The following FREM2 variants were observed in gnomAD, a reference collection of about 807,000 sequenced individuals.
FREM2 encodes the protein FRAS1 related extracellular matrix 2, also known as FRAS1-related extracellular matrix protein 2.
A neutral mutation model predicts 219.9 loss-of-function variants in FREM2; 119 were observed. The observed-to-expected ratio is 0.54, with a 90% CI of 0.47 to 0.63. The LOEUF is 0.63. Ranked by LOEUF, FREM2 falls within the 30% of genes least tolerant of loss-of-function variation. FREM2 has a pLI of 0.00. For synonymous variants in FREM2, 1,562 were observed against 1,522.8 expected (o/e 1.03, Z -0.60); for missense variants, 4,030 against 3,993.6 (o/e 1.01, Z -0.25).
At chr13:38,756,780 ATC>A (rs1873026030) in intron 2 of FREM2, among the ~76,000 whole-genome samples, 1 of 151,794 alleles carries the variant, frequency 6.6e-6, no homozygotes, top group South Asian at 2.1e-4. Flanking sequence ...ACCTCAGGTG[ATC>A]TGCCCGCCTC....
intron 6 of FREM2, among the ~76,000 whole-genome samples, chr13:38,816,864 C>G (rs747440201): frequency 2.0e-5 from 3 of 152,076 alleles, no homozygotes; most frequent in Non-Finnish European, 4.4e-5. Context: ...TAAACAAACT[C>G]AGTAAAGTCG....
chr13:38,763,752 A>AT (rs1566133378), intron 2 of FREM2, among the ~76,000 whole-genome samples: 2 of 152,176 alleles, frequency 1.3e-5, no homozygotes, highest in Non-Finnish European at 2.9e-5. Flanking sequence ...ATGGAAATCA[A>AT]TGAAAAGAAC....
chr13:38,825,993 T>G (rs1000663446), intron 6 of FREM2, among the ~76,000 whole-genome samples: 2 of 152,152 alleles, frequency 1.3e-5, no homozygotes, highest in Non-Finnish European at 2.9e-5. Context: ...CATATAAAAA[T>G]CATAATGCGT....
chr13:38,757,388 C>T (rs1157255667), intron 2 of FREM2, among the ~76,000 whole-genome samples: 1 of 152,024 alleles, frequency 6.6e-6, no homozygotes, highest in Non-Finnish European at 1.5e-5. Context: ...TGAAATAATC[C>T]ACACTTGATC....
intron 2 of FREM2, among the ~76,000 whole-genome samples, chr13:38,749,523 C>T (rs948907277): frequency 2.6e-5 from 4 of 152,268 alleles, no homozygotes; most frequent in East Asian, 3.9e-4. Context: ...GTACAGACCA[C>T]GGTTTCTCAA....
At chr13:38,779,418 A>G (rs1874023192) in intron 4 of FREM2, 1 of 151,874 alleles carries the variant, frequency 6.6e-6, no homozygotes, top group South Asian at 2.1e-4. Flanking sequence ...ATATTAAAAA[A>G]AAAAAGTACT....
chr13:38,822,417 C>T (rs1332597345), intron 6 of FREM2, among the ~76,000 whole-genome samples: 1 of 149,446 alleles, frequency 6.7e-6, no homozygotes, highest in African/African-American at 2.5e-5. Context: ...AGCACACTCC[C>T]TGCCAGAGAA....
intron 2 of FREM2, among the ~76,000 whole-genome samples, chr13:38,757,696 G>A (rs944283897): frequency 6.6e-6 from 1 of 151,920 alleles, no homozygotes; most frequent in Non-Finnish European, 1.5e-5. Context: ...CCAGGTTCAA[G>A]CAATTCTCCT....
At chr13:38,856,074 ACTT>A in intron 11 of FREM2, 49 bp from the exon 12 acceptor site, 1 of 1,309,088 alleles carries the variant, frequency 7.6e-7, no homozygotes, top group Non-Finnish European at 1.1e-6. Flanking sequence ...AAAATAGAAA[ACTT>A]CTCATATTCA....
intron 18 of FREM2, 52 bp downstream of exon 18, chr13:38,874,638 T>A: frequency 7.1e-7 from 1 of 1,412,282 alleles, no homozygotes; most frequent in Non-Finnish European, 1.0e-6. Flanking sequence ...AGGAGGTAGA[T>A]TTTCCATCTT....
At chr13:38,836,900 C>A (rs1281453154) in intron 6 of FREM2, among the ~76,000 whole-genome samples, 1 of 152,120 alleles carries the variant, frequency 6.6e-6, no homozygotes, top group Non-Finnish European at 1.5e-5. Flanking sequence ...AGACCAGCTC[C>A]TGGATACATT....
chr13:38,792,312 G>C (rs1032991480), intron 6 of FREM2, among the ~76,000 whole-genome samples: 2 of 152,170 alleles, frequency 1.3e-5, no homozygotes, highest in African/African-American at 4.8e-5. Flanking sequence ...TCACACCACT[G>C]CACTCCAGCC....
At chr13:38,813,519 C>T (rs866057851) in intron 6 of FREM2, among the ~76,000 whole-genome samples, 2 of 5,722 alleles carry the variant, frequency 3.5e-4, no homozygotes, top group Non-Finnish European at 7.2e-4. Context: ...TCTCTCTCTC[C>T]TCTCTCTCTC....
rs1218433947 is a variant in FREM2 at position 38,874,498 on chromosome 13, C to T, written c.8193C>T (p.Thr2731=). 2 of 1,613,988 alleles carry T rather than the reference C, an allele frequency of 1.2e-6. No individual in the cohort carries two copies. Among genetic ancestry groups the T allele is most frequent in the Non-Finnish European group, 1.7e-6 (2 of 1,179,856 alleles). ...CCATTATAGGTTCTCTCTATCCAAC[C>T]AGCATGCGCATCGGTGATGAGGGGC... is the stretch of plus-strand genomic sequence containing the variant. The part of the protein sequence containing the change: ...EAELQGSLYP[T]SMRIGDEGRL... Residue 2731 remains threonine (T), a synonymous_variant, in exon 18 of 24, where the codon ACC becomes ACT. Transcript: ENST00000280481.
intron 2 of FREM2, among the ~76,000 whole-genome samples, chr13:38,734,189 A>C (rs760396882): frequency 2.0e-5 from 3 of 152,136 alleles, no homozygotes; most frequent in Admixed American, 1.3e-4. Context: ...AAGAAAAGAA[A>C]CAGGAAAAAA....
chr13:38,820,984 G>A (rs1659930969), intron 6 of FREM2, among the ~76,000 whole-genome samples: 1 of 152,164 alleles, frequency 6.6e-6, no homozygotes, highest in Admixed American at 6.6e-5. Context: ...TTTTGTAATA[G>A]ATGTACTATT....
chr13:38,873,679 C>T (rs1042354210), intron 17 of FREM2, among the ~76,000 whole-genome samples: 6 of 152,132 alleles, frequency 3.9e-5, no homozygotes, highest in East Asian at 1.9e-4. Context: ...ATTACTGTTC[C>T]GATTCCACAA....
intron 2 of FREM2, among the ~76,000 whole-genome samples, chr13:38,707,071 CAA>C (rs1227060826): frequency 2.0e-5 from 3 of 152,048 alleles, no homozygotes; most frequent in Non-Finnish European, 2.9e-5. Context: ...ACAGTTAGTG[CAA>C]GTTTACTAAG....
Position 38,864,557 on chromosome 13 carries a change from T to C in FREM2, c.7934T>C (p.Met2645Thr), listed in dbSNP as rs567216549. 1.1e-5 allele frequency: 17 copies of C among 1,614,222 alleles called. No individual in the cohort carries two copies. The South Asian group carries it at 1.6e-4, about 16-fold the overall frequency. The stretch of plus-strand genomic sequence containing the variant: ...TGGGAGTTCGTTAGCTACTATGACA[T>C]GTCAGAACTCCTTGCTGACTGTGGT... ...CLWEFVSYYD[M>T]SELLADCGGT... The change falls in exon 16 of 24, where the codon ATG becomes ACG. Residue 2645 changes from methionine to threonine, a missense_variant. Around this residue, in one of 2 missense-constraint regions of FREM2, gnomAD observed 928 missense variants for 1,042.9 expected, o/e 0.89. Transcript: ENST00000280481.
Sources: gnomAD v4.1 joint callset for allele counts (sites outside exome capture counted in the v4.1 genomes callset) on GRCh38, gnomAD v4.1.1 for gene constraint, gnomAD v4.1.1 regional missense constraint, MANE v1.5 for transcripts, NCBI Gene and HGNC (gene_info 2026-07-23, HGNC 2026-07-21) for gene names.